The following RNLS variants were observed in gnomAD, a reference collection of about 807,000 sequenced individuals.
The protein encoded by RNLS is renalase.
Under a neutral mutation model 39.8 loss-of-function variants are expected in RNLS, and 39 were observed. The ratio of observed to expected loss-of-function variants is 0.98; its 90% CI spans 0.76 to 1.28. The LOEUF (loss-of-function observed/expected upper bound fraction) is 1.28, where lower values mean the gene tolerates loss of function less well. Among genes scored for constraint, RNLS ranks in the 50% most tolerant of loss-of-function variants. The probability of loss-of-function intolerance (pLI) is 0.00; values close to 1 mark genes in which losing one functional copy is unlikely to be tolerated. For missense variants in RNLS, 410 were observed against 413.3 expected, an observed-to-expected ratio of 0.99 and a Z score of 0.07; for synonymous variants, 147 against 150.7, an observed-to-expected ratio of 0.98 and a Z score of 0.18.
chr10:88,249,947 T>C, the RNLS span, among the ~76,000 whole-genome samples: 1 of 152,240 alleles, frequency 6.6e-6, no homozygotes, highest in Non-Finnish European at 1.5e-5. Context: ...TTTAAAACCA[T>C]CATCCCTGGG....
At chr10:88,371,919 G>T (rs963182527) in intron 4 of RNLS, among the ~76,000 whole-genome samples, 1 of 152,084 alleles carries the variant, frequency 6.6e-6, no homozygotes, top group South Asian at 2.1e-4. Context: ...TTCATATCTA[G>T]CAAGATAAAG....
chr10:88,363,240 T>C (rs990588748), intron 4 of RNLS, among the ~76,000 whole-genome samples: 2 of 151,664 alleles, frequency 1.3e-5, no homozygotes, highest in Non-Finnish European at 1.5e-5. Flanking sequence ...CTGGGGTCTG[T>C]TGGGGATGGG....
chr10:88,526,623 G>C (rs2134221273), intron 4 of RNLS, among the ~76,000 whole-genome samples: 1 of 152,150 alleles, frequency 6.6e-6, no homozygotes, highest in South Asian at 2.1e-4. Flanking sequence ...AACGTAGCCA[G>C]GCATAGTGGT....
chr10:88,268,796 ACT>A, the RNLS span, among the ~76,000 whole-genome samples: 1 of 152,028 alleles, frequency 6.6e-6, no homozygotes. Flanking sequence ...CCAGTGGGAA[ACT>A]CTTGCAATGT....
At chr10:88,279,600 A>AAGGAAATAATCTC (rs57918270), downstream of RNLS, among the ~76,000 whole-genome samples, 1 of 151,926 alleles carries the variant, frequency 6.6e-6, no homozygotes, top group Non-Finnish European at 1.5e-5. Context: ...GAATCTGCAT[A>AAGGAAATAATCTC]CTTAGCCAAA....
chr10:88,479,933 T>C (rs1216205940), intron 4 of RNLS, among the ~76,000 whole-genome samples: 3 of 152,166 alleles, frequency 2.0e-5, no homozygotes, highest in African/African-American at 2.4e-5. Context: ...TCTTTTTAAA[T>C]AAACTCTTGC....
At chr10:88,240,605 C>T in the RNLS span, among the ~76,000 whole-genome samples, 1 of 152,114 alleles carries the variant, frequency 6.6e-6, no homozygotes, top group South Asian at 2.1e-4. Context: ...CTCTTCATTA[C>T]AACCTTCCTC....
rs1262274259 is a variant in RNLS, at chr10:88,438,933, A to G, written c.527-76208T>C. Among the ~76,000 whole-genome samples the G allele has an allele frequency of 5.3e-5, 8 of 152,014 alleles. No individual in the cohort carries two copies. The South Asian group carries it at 1.0e-3, about 20-fold the overall frequency. Reference sequence around the variant, plus strand: ...CCAGAATCGATTTCTGTATTTTGCCAAGAACAACAACAAGTAACTGACTGA... The same window carrying G: ...CCAGAATCGATTTCTGTATTTTGCCGAGAACAACAACAAGTAACTGACTGA... On this transcript the variant is annotated intron_variant, in intron 4 of 6. Coordinates refer to ENST00000331772, the MANE Select transcript of RNLS (RefSeq NM_001031709.3).
At chr10:88,414,112 C>A (rs1853866606) in intron 4 of RNLS, among the ~76,000 whole-genome samples, 1 of 151,980 alleles carries the variant, frequency 6.6e-6, no homozygotes, top group Admixed American at 6.6e-5. Context: ...TATTTTTTGA[C>A]ACCTCTTCAC....
At chr10:88,197,995 A>G in the RNLS span, among the ~76,000 whole-genome samples, 1 of 152,334 alleles carries the variant, frequency 6.6e-6, no homozygotes, top group Non-Finnish European at 1.5e-5. Flanking sequence ...TGACTATAAA[A>G]CAACCCCTGT....
chr10:88,407,044 G>C (rs943645689), intron 4 of RNLS, among the ~76,000 whole-genome samples: 2 of 152,014 alleles, frequency 1.3e-5, no homozygotes, highest in Non-Finnish European at 2.9e-5. Flanking sequence ...TTGGGGACTT[G>C]GGGGGAAGAA....
chr10:88,365,556 C>T (rs549268671), intron 4 of RNLS, among the ~76,000 whole-genome samples: 5 of 134,598 alleles, frequency 3.7e-5, no homozygotes, highest in Admixed American at 7.5e-5. Context: ...CACACACACA[C>T]GTACGTATAT....
chr10:88,249,687 T>C, the RNLS span, among the ~76,000 whole-genome samples: 2 of 152,192 alleles, frequency 1.3e-5, no homozygotes, highest in Non-Finnish European at 2.9e-5. Context: ...CGTGGCTTGA[T>C]TCCTTACAGT....
intron 6 of RNLS, among the ~76,000 whole-genome samples, chr10:88,308,991 G>A (rs1845145391): frequency 6.6e-6 from 1 of 152,100 alleles, no homozygotes; most frequent in Admixed American, 6.6e-5. Context: ...CGAAGCTGGG[G>A]GCCATTCTCC....
the RNLS span, among the ~76,000 whole-genome samples, chr10:88,199,548 A>C: frequency 6.6e-6 from 1 of 152,180 alleles, no homozygotes; most frequent in Non-Finnish European, 1.5e-5. Context: ...AGGTGCTGGG[A>C]AGGCCAGCGG....
At chr10:88,198,782 G>A in the RNLS span, among the ~76,000 whole-genome samples, 1 of 152,098 alleles carries the variant, frequency 6.6e-6, no homozygotes, top group Non-Finnish European at 1.5e-5. Flanking sequence ...CATGCTTCCA[G>A]TGTAGCCTGT....
chr10:88,316,642 C>T (rs1845784167), intron 5 of RNLS, among the ~76,000 whole-genome samples: 1 of 152,086 alleles, frequency 6.6e-6, no homozygotes, highest in Non-Finnish European at 1.5e-5. Flanking sequence ...AGGGGAAACT[C>T]GTAAAGTCAC....
At chr10:88,375,876 T>C (rs746234437) in intron 4 of RNLS, among the ~76,000 whole-genome samples, 9 of 152,122 alleles carry the variant, frequency 5.9e-5, no homozygotes, top group Non-Finnish European at 1.0e-4. Context: ...CAGATGATTA[T>C]ATAGCATCCT....
At chr10:88,409,899 G>A (rs1321391420) in intron 4 of RNLS, among the ~76,000 whole-genome samples, 3 of 152,040 alleles carry the variant, frequency 2.0e-5, no homozygotes, top group Non-Finnish European at 4.4e-5. Flanking sequence ...TAATATTAAA[G>A]GTCAGGAAAC....
Sources: gnomAD v4.1 joint callset for allele counts (sites outside exome capture counted in the v4.1 genomes callset) on GRCh38, gnomAD v4.1.1 for gene constraint, MANE v1.5 for transcripts, NCBI Gene and HGNC (gene_info 2026-07-23, HGNC 2026-07-21) for gene names.